PTPN13: variants seen among roughly 807,000 people sequenced by gnomAD.
PTPN13 encodes the protein tyrosine-protein phosphatase non-receptor type 13.
Under a neutral mutation model 284.0 loss-of-function variants are expected in PTPN13, and 191 were observed. The observed-to-expected ratio is 0.67, with a 90% CI of 0.60 to 0.76. PTPN13 has a LOEUF of 0.76. Among genes scored for constraint, PTPN13 ranks in the 30% least tolerant of loss-of-function variants. PTPN13 has a pLI of 0.00. For synonymous variants in PTPN13, 986 were observed against 1,022.3 expected, an observed-to-expected ratio of 0.96 and a Z score of 0.68; for missense variants, 2,797 against 2,939.9, an observed-to-expected ratio of 0.95 and a Z score of 1.12.
chr4:86,724,083 A>G (rs1733966258), intron 10 of PTPN13, among the ~76,000 whole-genome samples: 1 of 152,224 alleles, frequency 6.6e-6, no homozygotes, highest in Non-Finnish European at 1.5e-5. Context: ...ATATGACTTT[A>G]TGTAAATTTT....
intron 19 of PTPN13, 108 bp downstream of exon 19, chr4:86,751,232 C>A: frequency 1.3e-6 from 1 of 757,044 alleles, no homozygotes; most frequent in Non-Finnish European, 2.2e-6. Context: ...TCCTAATTGC[C>A]AAAACTGAAT....
At chr4:86,641,780 A>G (rs1723818048) in intron 2 of PTPN13, among the ~76,000 whole-genome samples, 2 of 152,284 alleles carry the variant, frequency 1.3e-5, no homozygotes, top group South Asian at 2.1e-4. Context: ...AAATCATGAG[A>G]TAGTATTTTT....
chr4:86,678,525 T>C (rs906550775), intron 3 of PTPN13, among the ~76,000 whole-genome samples: 3 of 152,258 alleles, frequency 2.0e-5, no homozygotes, highest in Admixed American at 6.5e-5. Flanking sequence ...TCTAGCACCA[T>C]GCTCTTGACT....
chr4:86,771,379 C>A lies in PTPN13; in HGVS notation c.5012C>A (p.Ser1671Ter). 6.4e-7 allele frequency: 1 copy of A among 1,572,446 alleles called. No homozygotes were observed. The highest frequency in any genetic ancestry group is 8.6e-7 in the Non-Finnish European group (1 of 1,158,206). The stretch of plus-strand genomic sequence containing the variant: ...TTAGTGACAGCTCCAGCAAACATAT[C>A]AAATTCGACCTGGAGTTCAGCTTTG... ...DDLVTAPANI[S>*]NSTWSSALHQ... Residue 1671 changes from serine (S) to a stop codon, truncating the protein, a stop_gained, in exon 31 of 48, where the codon TCA becomes TAA. Transcript: ENST00000411767. LOFTEE classifies it high-confidence loss of function.
At chr4:86,810,255 T>A (rs1745079763) in intron 46 of PTPN13, among the ~76,000 whole-genome samples, 1 of 152,200 alleles carries the variant, frequency 6.6e-6, no homozygotes. Context: ...TTTTATGCAG[T>A]ATTTCATTTT....
chr4:86,761,340 T>C (rs1738673358), intron 23 of PTPN13, among the ~76,000 whole-genome samples: 1 of 151,978 alleles, frequency 6.6e-6, no homozygotes, highest in African/African-American at 2.4e-5. Context: ...ACTTTTCTTC[T>C]ATTGTTATGT....
chr4:86,678,916 C>T (rs1346178016), intron 3 of PTPN13, among the ~76,000 whole-genome samples: 1 of 152,172 alleles, frequency 6.6e-6, no homozygotes, highest in East Asian at 1.9e-4. Context: ...TTGCCCATGG[C>T]TAGTTCATTC....
chr4:86,597,294 G>C (rs1763903102), intron 1 of PTPN13, among the ~76,000 whole-genome samples: 1 of 152,010 alleles, frequency 6.6e-6, no homozygotes, highest in Non-Finnish European at 1.5e-5. Flanking sequence ...TTGGAATGCA[G>C]TGGCTCGATC....
At chr4:86,606,393 G>GT (rs1764743263) in intron 1 of PTPN13, among the ~76,000 whole-genome samples, 1 of 151,786 alleles carries the variant, frequency 6.6e-6, no homozygotes, top group Non-Finnish European at 1.5e-5. Flanking sequence ...TTGCCCCAGT[G>GT]TGACTTTACT....
In PTPN13 at chr4:86,734,819, T is replaced by C. The variant is rs1735315316; in HGVS notation, c.2095T>C (p.Ser699Pro). The change falls in exon 14 of 48, where the codon TCC (serine) becomes CCC (proline). Residue 699 changes from serine to proline, a missense_variant. Ser to Pro is a moderately conservative substitution (Grantham distance 74). Transcript: ENST00000411767. ...AAGGATGCACTGTGATGATGAGACT[T>C]CCTTATTGCTGGCATCCTTGGCTCT... ...EERMHCDDET[S>P]LLLASLALQA... 6.2e-7 allele frequency: 1 copy of C among 1,613,356 alleles called. No homozygotes were observed. The highest frequency in any genetic ancestry group is 8.5e-7 in the Non-Finnish European group (1 of 1,179,554).
In PTPN13 at chr4:86,775,479, A is replaced by G; in HGVS notation, c.5718A>G (p.Gln1906=). 1 of 1,609,416 alleles carries G rather than the reference A, an allele frequency of 6.2e-7. No homozygotes were observed. Among genetic ancestry groups the G allele is most frequent in the Non-Finnish European group, 8.5e-7 (1 of 1,175,832 alleles). ...GTGGAGGTCATGACAGCCTTTATCA[A>G]GTGGTATATATTAGTGATATTAATC... ...SLCGGHDSLY[Q]VVYISDINPR... Residue 1906 remains glutamine (Q), a synonymous_variant, in exon 35 of 48, where the codon CAA becomes CAG. Coordinates refer to ENST00000411767, the MANE Select transcript of PTPN13 (RefSeq NM_080683.3).
At chr4:86,654,156 A>G (rs913155159) in intron 2 of PTPN13, among the ~76,000 whole-genome samples, 5 of 152,252 alleles carry the variant, frequency 3.3e-5, no homozygotes, top group African/African-American at 9.6e-5. Context: ...GCAGAAGGCA[A>G]GAAATAACTA....
chr4:86,785,489 T>C, intron 39 of PTPN13, 121 bp downstream of exon 39: 1 of 920,484 alleles, frequency 1.1e-6, no homozygotes, highest in Non-Finnish European at 1.6e-6. Context: ...ATGTGTAATA[T>C]TTCAGAAACA....
intron 47 of PTPN13, among the ~76,000 whole-genome samples, chr4:86,812,038 C>T (rs963634931): frequency 6.6e-5 from 10 of 152,066 alleles, no homozygotes; most frequent in African/African-American, 1.7e-4. Context: ...AGGCCGGGCG[C>T]GGTGGCTCAC....
chr4:86,594,535 G>C lies in PTPN13; in HGVS notation c.-260G>C, dbSNP rs1376178176. 1 of 152,640 alleles carries C rather than the reference G, an allele frequency of 6.6e-6. No individual in the cohort carries two copies. The highest frequency in any genetic ancestry group is 1.9e-4 in the East Asian group (1 of 5,186). 9.5% of individuals were successfully genotyped at this position (152,640 alleles called of 1,614,324 possible). ...CGGCGGGGGTGCGTTGAGCGCTCGG[G>C]GGTCAGGCAGTCGGCCGGGATCGCC... is the stretch of plus-strand genomic sequence containing the variant. On this transcript the variant is annotated 5_prime_UTR_variant, in exon 1 of 48. Transcript: ENST00000411767.
intron 46 of PTPN13, among the ~76,000 whole-genome samples, chr4:86,810,640 T>A (rs1745123103): frequency 6.6e-6 from 1 of 152,178 alleles, no homozygotes; most frequent in Non-Finnish European, 1.5e-5. Flanking sequence ...CCAAATAGTC[T>A]TTTTTTCCCT....
chr4:86,732,533 C>A (rs1406147298), intron 11 of PTPN13, 59 bp downstream of exon 11: 4 of 1,593,504 alleles, frequency 2.5e-6, no homozygotes, highest in Admixed American at 3.5e-5. Flanking sequence ...GTGTTAAAAA[C>A]CAGTTAAAAT....
chr4:86,595,114 G>A (rs1327825090), intron 1 of PTPN13, among the ~76,000 whole-genome samples: 1 of 152,184 alleles, frequency 6.6e-6, no homozygotes, highest in Non-Finnish European at 1.5e-5. Context: ...GTAATAGGGA[G>A]TGACATTGCC....
chr4:86,645,734 A>G (rs1470898509), intron 2 of PTPN13, among the ~76,000 whole-genome samples: 2 of 152,090 alleles, frequency 1.3e-5, no homozygotes, highest in Admixed American at 6.6e-5. Flanking sequence ...GTATCGAGAG[A>G]CTCAGTATTG....
Sources: allele counts gnomAD v4.1 joint callset (sites outside exome capture counted in the v4.1 genomes callset), GRCh38; gene constraint gnomAD v4.1.1; transcripts MANE v1.5; gene names NCBI Gene and HGNC (gene_info 2026-07-23, HGNC 2026-07-21).